Variants in PCNX2 observed in about 807,000 individuals in gnomAD.
PCNX2 encodes pecanex-like protein 2.
PCNX2 carries 168 observed loss-of-function variants against 223.8 expected under a neutral mutation model. The observed-to-expected ratio is 0.75, with a 90% CI of 0.66 to 0.85. PCNX2 has a LOEUF of 0.85. Ranked by LOEUF, PCNX2 falls within the 40% of genes least tolerant of loss-of-function variation. The pLI is 0.00. For synonymous variants in PCNX2, 1,006 were observed against 1,052.6 expected (o/e 0.96, Z 0.86); for missense variants, 2,507 against 2,675.5 (o/e 0.94, Z 1.39).
At chr1:233,325,760 G>A in the PCNX2 span, among the ~76,000 whole-genome samples, 4 of 152,192 alleles carry the variant, frequency 2.6e-5, no homozygotes, top group African/African-American at 9.7e-5. Context: ...CAGAGGAGAT[G>A]CTATGAACAT....
intron 8 of PCNX2, among the ~76,000 whole-genome samples, chr1:233,239,418 T>C (rs10910117): frequency 0.62 from 93,965 of 152,038 alleles, 31,038 homozygotes; most frequent in Non-Finnish European, 0.73. Context: ...ACATTTCAGA[T>C]TGTAAAATAA....
chr1:233,134,433 C>T (rs1310022894), intron 21 of PCNX2, among the ~76,000 whole-genome samples: 3 of 152,114 alleles, frequency 2.0e-5, no homozygotes, highest in Non-Finnish European at 4.4e-5. Flanking sequence ...TATGAAGTTG[C>T]TCAACAGATG....
At chr1:233,210,431 C>A (rs911199956) in intron 12 of PCNX2, 3 of 203,242 alleles carry the variant, frequency 1.5e-5, no homozygotes, top group African/African-American at 4.7e-5. Flanking sequence ...GCACCCGCCA[C>A]CATGCCTGGC....
At chr1:233,259,921 G>A in intron 4 of PCNX2, 1 of 620,542 alleles carries the variant, frequency 1.6e-6, no homozygotes, top group Non-Finnish European at 2.0e-6. Context: ...TATATATATA[G>A]CATTTACATT....
At chr1:233,093,459 T>C (rs1673991123) in intron 22 of PCNX2, among the ~76,000 whole-genome samples, 1 of 152,198 alleles carries the variant, frequency 6.6e-6, no homozygotes. Flanking sequence ...AGCTTCTTAA[T>C]AGAGTGATAA....
At chr1:233,204,796 G>A (rs552736822) in intron 13 of PCNX2, among the ~76,000 whole-genome samples, 24 of 152,016 alleles carry the variant, frequency 1.6e-4, no homozygotes, top group South Asian at 6.3e-4. Context: ...TTATTTAATC[G>A]GCTTGCTGGA....
intron 23 of PCNX2, among the ~76,000 whole-genome samples, chr1:233,063,680 A>G (rs1350932644): frequency 6.6e-6 from 1 of 152,180 alleles, no homozygotes; most frequent in African/African-American, 2.4e-5. Flanking sequence ...GTCTTTCATC[A>G]ATTTTGAAAA....
rs145130572 is a variant in PCNX2, at chr1:233,001,884, G to A, written c.4953-203C>T. Among the ~76,000 whole-genome samples the A allele has an allele frequency of 1.3e-4, 20 of 152,286 alleles. No individual in the cohort carries two copies. Among genetic ancestry groups the A allele is most frequent in the African/African-American group, 4.8e-4 (20 of 41,558 alleles). On this transcript the variant is annotated intron_variant, in intron 28 of 33. Coordinates refer to ENST00000258229, the MANE Select transcript of PCNX2 (RefSeq NM_014801.4). The surrounding 1 kb of genome is among the most constrained non-coding windows in gnomAD (Gnocchi z 4.2). ...GGGCCCTCATAAGTGCTAGTGTCAT[G>A]GCGTGGGCGTTGTCTTCAGTCATTT... is the stretch of plus-strand genomic sequence containing the variant.
intron 23 of PCNX2, chr1:233,089,722 G>A (rs1016805932): frequency 3.4e-6 from 1 of 295,568 alleles, no homozygotes. Flanking sequence ...ATGCCATCCA[G>A]GGGCCATCTT....
intron 1 of PCNX2, among the ~76,000 whole-genome samples, chr1:233,292,351 G>A (rs1024466420): frequency 6.6e-6 from 1 of 151,762 alleles, no homozygotes; most frequent in South Asian, 2.1e-4. Flanking sequence ...GGGATTGCAG[G>A]CATGCACCAC....
intron 1 of PCNX2, among the ~76,000 whole-genome samples, chr1:233,292,218 T>C (rs1661813490): frequency 6.9e-6 from 1 of 144,650 alleles, no homozygotes; most frequent in Admixed American, 6.8e-5. Context: ...TTTTTTTTTT[T>C]TTTTTTGAGA....
intron 22 of PCNX2, among the ~76,000 whole-genome samples, chr1:233,093,441 G>C (rs1390989102): frequency 6.6e-6 from 1 of 152,142 alleles, no homozygotes; most frequent in African/African-American, 2.4e-5. Context: ...TGCTGAGATG[G>C]AGCCCACAGC....
chr1:233,289,866 T>C (rs533708437), intron 1 of PCNX2, among the ~76,000 whole-genome samples: 1 of 152,364 alleles, frequency 6.6e-6, no homozygotes, highest in African/African-American at 2.4e-5. Flanking sequence ...AAGCCTGCTA[T>C]GCGAGGCTGC....
intron 17 of PCNX2, among the ~76,000 whole-genome samples, chr1:233,172,890 T>C (rs1347597278): frequency 6.6e-6 from 1 of 152,206 alleles, no homozygotes; most frequent in East Asian, 1.9e-4. Flanking sequence ...TTCTTTTCCC[T>C]CTTCCTCTCT....
At chr1:233,291,532 C>T (rs1326331587) in intron 1 of PCNX2, 5 of 341,916 alleles carry the variant, frequency 1.5e-5, no homozygotes, top group African/African-American at 2.3e-5. Flanking sequence ...CGCTTGAACC[C>T]GGGAGGTGGA....
At chr1:233,198,793 T>C (rs1050659566) in intron 15 of PCNX2, 146 bp downstream of exon 15, 52 of 805,856 alleles carry the variant, frequency 6.5e-5, no homozygotes, top group Non-Finnish European at 1.0e-5. Flanking sequence ...CTAACACTAC[T>C]GAGGCCTCAC....
intron 19 of PCNX2, among the ~76,000 whole-genome samples, chr1:233,143,189 T>C (rs115627975): frequency 0.026 from 3,983 of 152,296 alleles, 181 homozygotes; most frequent in African/African-American, 0.09. Flanking sequence ...TCCTCATACA[T>C]TCTTGCATTC....
At chr1:233,320,072 G>A in the PCNX2 span, among the ~76,000 whole-genome samples, 2 of 152,114 alleles carry the variant, frequency 1.3e-5, no homozygotes, top group Non-Finnish European at 2.9e-5. Flanking sequence ...GAAGTATATG[G>A]AGAAATTCTA....
At chr1:233,056,175 C>A (rs1358775780) in intron 24 of PCNX2, among the ~76,000 whole-genome samples, 1 of 152,148 alleles carries the variant, frequency 6.6e-6, no homozygotes, top group Non-Finnish European at 1.5e-5. Flanking sequence ...TCTAATGAAG[C>A]AGCACGCATC....
Sources: gnomAD v4.1 joint callset for allele counts (sites outside exome capture counted in the v4.1 genomes callset) on GRCh38, gnomAD v4.1.1 for gene constraint, Gnocchi (gnomAD v3.1) non-coding constraint, MANE v1.5 for transcripts, NCBI Gene and HGNC (gene_info 2026-07-23, HGNC 2026-07-21) for gene names.